CRAMP1: variants seen among roughly 807,000 people sequenced by gnomAD.
The protein encoded by CRAMP1 is protein cramped-like.
Under a neutral mutation model 115.4 loss-of-function variants are expected in CRAMP1, and 50 were observed. That is an observed-to-expected ratio of 0.43 (90% CI 0.35 to 0.55). The LOEUF is 0.55. Among genes scored for constraint, CRAMP1 ranks in the 20% least tolerant of loss-of-function variants. The pLI is 0.01. For missense variants in CRAMP1, 1,679 were observed against 1,721.7 expected (o/e 0.98, Z 0.44); for synonymous variants, 866 against 745.4 (o/e 1.16, Z -2.64).
At chr16:1,670,434 G>A (rs1173119333) in intron 19 of CRAMP1, 2 of 501,794 alleles carry the variant, frequency 4.0e-6, no homozygotes, top group African/African-American at 1.9e-5. Context: ...GTGGGAGACC[G>A]TGGGACTCGT....
Position 1,632,316 on chromosome 16 carries a change from C to T in CRAMP1, c.645C>T (p.Phe215=), listed in dbSNP as rs1277091849. 3 of 1,601,788 alleles carry T rather than the reference C, an allele frequency of 1.9e-6. No homozygotes were observed. The highest frequency in any genetic ancestry group is 2.6e-6 in the Non-Finnish European group (3 of 1,174,674). ...MVKNKEQVRH[F]YYRTWHKITK... is the part of the protein sequence containing the mutation. ...AGAACAAGGAGCAGGTCCGCCACTTCTACTACCGCACCTGGCACAAGATCA... is the reference window on the plus strand; with the variant it reads ...AGAACAAGGAGCAGGTCCGCCACTTTTACTACCGCACCTGGCACAAGATCA... Residue 215 remains phenylalanine, a synonymous_variant, in exon 4 of 21, where the codon TTC becomes TTT. Coordinates refer to ENST00000397412, the MANE Select transcript of CRAMP1 (RefSeq NM_020825.4).
At chr16:1,624,554 G>T (rs778945696) in intron 2 of CRAMP1, among the ~76,000 whole-genome samples, 6 of 151,442 alleles carry the variant, frequency 4.0e-5, no homozygotes, top group Non-Finnish European at 7.4e-5. Context: ...AAGTAGCTAG[G>T]ACTACAGGCG....
chr16:1,627,828 T>C (rs552395693), intron 3 of CRAMP1, among the ~76,000 whole-genome samples: 54 of 152,340 alleles, frequency 3.5e-4, no homozygotes, highest in African/African-American at 1.3e-3. Context: ...TTAAGCTGTT[T>C]GTTGGTCTTG....
chr16:1,615,014 C>G, intron 2 of CRAMP1, 29 bp downstream of exon 2: 1 of 1,198,868 alleles, frequency 8.3e-7, no homozygotes, highest in Non-Finnish European at 1.0e-6. Flanking sequence ...TTGGGAGACC[C>G]CAGCCCCTCT....
chr16:1,628,711 C>T (rs759291646), intron 3 of CRAMP1, among the ~76,000 whole-genome samples: 4 of 152,334 alleles, frequency 2.6e-5, no homozygotes, highest in South Asian at 2.1e-4. Flanking sequence ...CTGAGAAGTG[C>T]GGCTTCTGCC....
At chr16:1,668,240 T>A in intron 18 of CRAMP1, 47 bp downstream of exon 18, 1 of 1,342,586 alleles carries the variant, frequency 7.4e-7, no homozygotes, top group Non-Finnish European at 1.1e-6. Context: ...CAGGTGTTGA[T>A]CTCCTGCCCC....
Position 1,662,562 on chromosome 16 carries a change from G to T in CRAMP1, c.2486G>T (p.Gly829Val). 6.2e-7 allele frequency: 1 copy of T among 1,613,996 alleles called. No individual in the cohort carries two copies. The highest frequency in any genetic ancestry group is 1.7e-5 in the Admixed American group (1 of 60,024). ...ACAGGAAGCAATGACTCAGATGGAG[G>T]CCTTTTTGCTGTCCCGACAACCTTG... ...SSTGSNDSDG[G>V]LFAVPTTLPP... Residue 829 changes from glycine to valine, a missense_variant, in exon 12 of 21, where the codon GGC becomes GTC. Gly to Val is a moderately radical substitution (Grantham distance 109, BLOSUM62 -3). Transcript: ENST00000397412.
In CRAMP1 at chr16:1,637,217, C is replaced by T. The variant is rs528150882; in HGVS notation, c.695-607C>T. 3.3e-5 allele frequency among the ~76,000 whole-genome samples: 5 copies of T among 152,056 alleles called. No homozygotes were observed. The Middle Eastern group carries it at 0.014, about 414-fold the overall frequency. On this transcript the variant is annotated intron_variant, in intron 4 of 20. Transcript: ENST00000397412. ...GCTGAGGCAGGAGAATCTCTTGAGCCTGGGAGGCAGAGGTTGCGGTGAGCC... is the reference window on the plus strand; with the variant it reads ...GCTGAGGCAGGAGAATCTCTTGAGCTTGGGAGGCAGAGGTTGCGGTGAGCC...
intron 2 of CRAMP1, among the ~76,000 whole-genome samples, chr16:1,625,033 T>C (rs1223678577): frequency 6.6e-6 from 1 of 152,180 alleles, no homozygotes; most frequent in Non-Finnish European, 1.5e-5. Flanking sequence ...AGCCAGTTTT[T>C]GATTTTTAAA....
At chr16:1,635,868 T>A (rs2036584793) in intron 4 of CRAMP1, among the ~76,000 whole-genome samples, 1 of 152,200 alleles carries the variant, frequency 6.6e-6, no homozygotes, top group Non-Finnish European at 1.5e-5. Context: ...CGTTCTACTC[T>A]GGATGTTTCA....
intron 8 of CRAMP1, among the ~76,000 whole-genome samples, 159 bp from the exon 9 acceptor site, chr16:1,655,060 A>G (rs1242834164): frequency 1.3e-5 from 2 of 152,254 alleles, no homozygotes; most frequent in Non-Finnish European, 2.9e-5. Flanking sequence ...GTTTTTAGCC[A>G]CAGGAGCCAA....
Position 1,665,088 on chromosome 16 carries a change from A to G in CRAMP1, c.2702A>G (p.Gln901Arg), listed in dbSNP as rs761271868. ...CTGCTCCCTAGACCATCGGAAAACC[A>G]GTCCCACAACGTTTGTTCCTTCTCC... ...RTLLPRPSEN[Q>R]SHNVCSFSIL... The change falls in exon 14 of 21, where the codon CAG becomes CGG. Residue 901 changes from glutamine (Q) to arginine (R), a missense_variant. Transcript: ENST00000397412. 4 of 1,613,346 alleles carry G rather than the reference A, an allele frequency of 2.5e-6. No homozygotes were observed. The highest frequency in any genetic ancestry group is 3.4e-6 in the Non-Finnish European group (4 of 1,179,314).
chr16:1,630,000 C>T (rs1035395392), intron 3 of CRAMP1, among the ~76,000 whole-genome samples: 8 of 152,018 alleles, frequency 5.3e-5, no homozygotes, highest in African/African-American at 1.9e-4. Context: ...CAGGTCACCT[C>T]ACGGTCCCCC....
rs570402108 is a variant in CRAMP1, at chr16:1,640,999, T to C, written c.779-140T>C. The C allele has an allele frequency of 1.3e-5, 8 of 613,338 alleles. No individual in the cohort carries two copies. The South Asian group carries it at 1.4e-4, about 11-fold the overall frequency. The allele number at this position is 613,338 out of a possible 1,614,324, so 38.0% of individuals were successfully genotyped here. A position where few individuals can be genotyped will look rare whatever the true frequency, so the allele number is the denominator to read the frequency against. ...ACTTTGAGGGAGGGGCTGCAGCTAC[T>C]GTAGGGCTTTTATTCCAGAGGAACT... On this transcript the variant is annotated intron_variant, in intron 5 of 20. Coordinates refer to ENST00000397412, the MANE Select transcript of CRAMP1 (RefSeq NM_020825.4).
chr16:1,670,931 C>CA lies in CRAMP1; in HGVS notation c.3645+123dup. The stretch of plus-strand genomic sequence containing the variant: ...TTGCCAAGAGTAGAAGAACAGGAGA[C>CA]AGCACGTCCACACTCAGGTCCCTGA... On this transcript the variant is annotated intron_variant, in intron 20 of 20. Coordinates refer to ENST00000397412, the MANE Select transcript of CRAMP1 (RefSeq NM_020825.4). 4 of 874,840 alleles carry CA rather than the reference C, an allele frequency of 4.6e-6. No homozygotes were observed. In the East Asian group the frequency reaches 8.0e-5, roughly 18 times the overall value. The allele number at this position is 874,840 out of a possible 1,614,324, so 54.2% of individuals were successfully genotyped here. A position where few individuals can be genotyped will look rare whatever the true frequency, so the allele number is the denominator to read the frequency against.
intron 8 of CRAMP1, among the ~76,000 whole-genome samples, chr16:1,654,365 C>G (rs900911828): frequency 6.6e-6 from 1 of 151,912 alleles, no homozygotes; most frequent in African/African-American, 2.4e-5. Context: ...GCGCGTGCCA[C>G]CACGCCTGGC....
At chr16:1,654,141 T>TC (rs1205199665) in intron 8 of CRAMP1, among the ~76,000 whole-genome samples, 2 of 135,248 alleles carry the variant, frequency 1.5e-5, no homozygotes, top group Non-Finnish European at 3.2e-5. Context: ...AGATTCCATC[T>TC]CAAAAAAAAA....
intron 3 of CRAMP1, among the ~76,000 whole-genome samples, chr16:1,627,279 G>T (rs1432774764): frequency 6.6e-6 from 1 of 152,016 alleles, no homozygotes; most frequent in African/African-American, 2.4e-5. Context: ...CTGAGTAACT[G>T]AGACTATAGG....
intron 20 of CRAMP1, among the ~76,000 whole-genome samples, 195 bp from the exon 21 acceptor site, chr16:1,673,686 C>T (rs1422738647): frequency 2.0e-5 from 3 of 152,232 alleles, no homozygotes; most frequent in African/African-American, 4.8e-5. Flanking sequence ...AGGCTCTCTG[C>T]GAGCACTTAT....
Sources: gnomAD v4.1 joint callset for allele counts (sites outside exome capture counted in the v4.1 genomes callset) on GRCh38, gnomAD v4.1.1 for gene constraint, MANE v1.5 for transcripts, NCBI Gene and HGNC (gene_info 2026-07-23, HGNC 2026-07-21) for gene names.